PDZD2: variants seen among roughly 807,000 people sequenced by gnomAD.
PDZD2 encodes PDZ domain containing 2, also known as PDZ domain-containing protein 2.
A neutral mutation model predicts 220.7 loss-of-function variants in PDZD2; 90 were observed. The observed-to-expected ratio is 0.41, with a 90% CI of 0.34 to 0.49. The LOEUF is 0.49. PDZD2 is among the 20% of genes least tolerant of loss of function. The pLI is 0.28. For missense variants in PDZD2, 3,174 were observed against 3,608.5 expected (o/e 0.88, Z 3.08); for synonymous variants, 1,375 against 1,450.5 (o/e 0.95, Z 1.18).
At position 32,002,757 on chromosome 5, in the gene PDZD2, C is replaced by A. The variant is rs1270669977; in HGVS notation, c.1254+2486C>A. Among the ~76,000 whole-genome samples, 64 of 26,142 alleles carry A rather than the reference C, an allele frequency of 2.4e-3. 2 individuals are homozygous for A. Among genetic ancestry groups the A allele is most frequent in the African/African-American group, 4.9e-3 (44 of 8,956 alleles). 17.2% of individuals were successfully genotyped at this position (26,142 alleles called of 152,430 possible). ...ACACCCCACACACCAACACACACAC[C>A]CCACACACCACACACACCAACACAC... is the stretch of plus-strand genomic sequence containing the variant. On this transcript the variant is annotated intron_variant, in intron 5 of 24. Coordinates refer to ENST00000438447, the MANE Select transcript of PDZD2 (RefSeq NM_178140.4).
At chr5:31,718,108 GC>G (rs941633801) in intron 1 of PDZD2, among the ~76,000 whole-genome samples, 6 of 152,188 alleles carry the variant, frequency 3.9e-5, no homozygotes, top group African/African-American at 1.2e-4. Context: ...TGGTTTTGGT[GC>G]TGTAAAAGAG....
chr5:31,961,196 G>T (rs1050460699), intron 2 of PDZD2, among the ~76,000 whole-genome samples: 3 of 152,128 alleles, frequency 2.0e-5, no homozygotes, highest in Non-Finnish European at 2.9e-5. Flanking sequence ...TCAATGGTTG[G>T]ATTTTGTGTT....
chr5:32,051,327 A>C (rs1234128150), intron 8 of PDZD2, among the ~76,000 whole-genome samples: 3 of 152,234 alleles, frequency 2.0e-5, no homozygotes, highest in Non-Finnish European at 4.4e-5. Context: ...CTGGGAGGCC[A>C]ACATTGTTGG....
At chr5:31,689,353 A>ATATATATATATATATTTTTTTTTTCTTT in intron 1 of PDZD2, among the ~76,000 whole-genome samples, 1 of 35,142 alleles carries the variant, frequency 2.8e-5, no homozygotes, top group Non-Finnish European at 4.2e-5. Context: ...ATATATATAT[A>ATATATATATATATATTTTTTTTTTCTTT]TTTTTTTTTT....
intron 19 of PDZD2, among the ~76,000 whole-genome samples, chr5:32,082,440 C>T (rs747106596): frequency 2.2e-4 from 33 of 152,018 alleles, no homozygotes; most frequent in Non-Finnish European, 3.8e-4. Context: ...GTTAAGCACA[C>T]AGGGGCATAC....
chr5:31,963,725 A>G (rs1249386513), intron 2 of PDZD2, among the ~76,000 whole-genome samples: 1 of 152,218 alleles, frequency 6.6e-6, no homozygotes, highest in Non-Finnish European at 1.5e-5. Context: ...ACCGGGAAGC[A>G]AAACAAGAGT....
At chr5:31,817,043 G>T (rs938270922) in intron 2 of PDZD2, among the ~76,000 whole-genome samples, 4 of 152,028 alleles carry the variant, frequency 2.6e-5, no homozygotes, top group African/African-American at 9.7e-5. Flanking sequence ...AACATTAGCC[G>T]GGCATGGTGA....
intron 2 of PDZD2, among the ~76,000 whole-genome samples, chr5:31,968,907 T>C (rs533415320): frequency 6.6e-6 from 1 of 152,292 alleles, no homozygotes; most frequent in South Asian, 2.1e-4. Context: ...AACGAAAACA[T>C]GTCATATACT....
chr5:31,667,097 G>A (rs558864865), intron 1 of PDZD2, among the ~76,000 whole-genome samples: 3 of 152,112 alleles, frequency 2.0e-5, no homozygotes, highest in South Asian at 2.1e-4. Context: ...CTAGCTGGGC[G>A]TGGTGGTGGG....
At chr5:32,041,110 G>A (rs79929486) in intron 7 of PDZD2, among the ~76,000 whole-genome samples, 6 of 131,924 alleles carry the variant, frequency 4.5e-5, no homozygotes, top group East Asian at 4.9e-4. Context: ...AGCGGGGAGC[G>A]CCTCTGCCCG....
intron 1 of PDZD2, among the ~76,000 whole-genome samples, chr5:31,790,363 G>T (rs1328275597): frequency 1.3e-5 from 2 of 152,210 alleles, no homozygotes; most frequent in African/African-American, 2.4e-5. Flanking sequence ...CTCCCAAAGT[G>T]CTGGGATTAC....
intron 5 of PDZD2, among the ~76,000 whole-genome samples, chr5:32,004,272 A>T (rs1033957353): frequency 6.6e-6 from 1 of 152,100 alleles, no homozygotes; most frequent in Non-Finnish European, 1.5e-5. Context: ...AGTTCTTTTT[A>T]TTCAGTGAAT....
chr5:31,828,009 G>C (rs1756333686), intron 2 of PDZD2, among the ~76,000 whole-genome samples: 1 of 152,184 alleles, frequency 6.6e-6, no homozygotes, highest in South Asian at 2.1e-4. Flanking sequence ...GTGCTCATCT[G>C]TGTTTCAGTA....
intron 2 of PDZD2, among the ~76,000 whole-genome samples, chr5:31,855,565 C>T (rs1758378442): frequency 6.6e-6 from 1 of 152,204 alleles, no homozygotes; most frequent in African/African-American, 2.4e-5. Flanking sequence ...GGGCGGGGGG[C>T]ATGGCAGCAG....
At chr5:31,993,894 C>T (rs1167680183) in intron 3 of PDZD2, among the ~76,000 whole-genome samples, 2 of 152,118 alleles carry the variant, frequency 1.3e-5, no homozygotes, top group African/African-American at 4.8e-5. Context: ...TTGCAGTGAG[C>T]ATATGTGTGT....
At chr5:31,867,647 T>G (rs188679557) in intron 2 of PDZD2, among the ~76,000 whole-genome samples, 593 of 152,294 alleles carry the variant, frequency 3.9e-3, no homozygotes, top group South Asian at 9.9e-3. Flanking sequence ...CAGCTTCAAG[T>G]TGGATTCAGA....
chr5:31,752,629 G>C (rs536595474), intron 1 of PDZD2, among the ~76,000 whole-genome samples: 14 of 151,906 alleles, frequency 9.2e-5, no homozygotes, highest in Non-Finnish European at 1.9e-4. Context: ...TGCTCAGGCT[G>C]GTCTCGAACT....
intron 2 of PDZD2, among the ~76,000 whole-genome samples, chr5:31,842,893 T>C (rs1437233560): frequency 6.6e-6 from 1 of 152,162 alleles, no homozygotes; most frequent in African/African-American, 2.4e-5. Context: ...TTCTTTTTTC[T>C]TTTTTGAGAT....
chr5:32,094,731 T>C (rs1027454394), intron 21 of PDZD2, among the ~76,000 whole-genome samples: 1 of 151,628 alleles, frequency 6.6e-6, no homozygotes, highest in Non-Finnish European at 1.5e-5. Context: ...TTTAAAAAAT[T>C]AGCCAGGCGT....
Sources: gnomAD v4.1 joint callset for allele counts (sites outside exome capture counted in the v4.1 genomes callset) on GRCh38, gnomAD v4.1.1 for gene constraint, MANE v1.5 for transcripts, NCBI Gene and HGNC (gene_info 2026-07-23, HGNC 2026-07-21) for gene names.